The following ADAMTS17 variants were observed in gnomAD, a reference collection of about 807,000 sequenced individuals.
ADAMTS17 encodes the protein A disintegrin and metalloproteinase with thrombospondin motifs 17.
In ADAMTS17, 113 loss-of-function variants were observed where a neutral mutation model predicts 141.5. That is an observed-to-expected ratio of 0.80 (90% confidence interval 0.69 to 0.93). The LOEUF is 0.93. Among genes scored for constraint, ADAMTS17 ranks in the 40% least tolerant of loss-of-function variants. The pLI is 0.00. For missense variants in ADAMTS17, 1,659 were observed against 1,517.9 expected (o/e 1.09, Z -1.54); for synonymous variants, 768 against 630.6 (o/e 1.22, Z -3.27).
intron 7 of ADAMTS17, among the ~76,000 whole-genome samples, chr15:100,210,501 G>C (rs374182440): frequency 1.3e-5 from 2 of 152,168 alleles, no homozygotes; most frequent in African/African-American, 4.8e-5. Context: ...CAGCAAATGA[G>C]GGGTGGAGCT....
chr15:100,034,708 C>T (rs2030533718), intron 18 of ADAMTS17, among the ~76,000 whole-genome samples: 1 of 152,198 alleles, frequency 6.6e-6, no homozygotes, highest in Non-Finnish European at 1.5e-5. Flanking sequence ...CCAAACAGAA[C>T]TGGAGAAAGG....
chr15:100,008,086 A>G (rs1002045391), intron 18 of ADAMTS17, among the ~76,000 whole-genome samples: 3 of 129,618 alleles, frequency 2.3e-5, no homozygotes, highest in African/African-American at 8.6e-5. Context: ...AAGAGGCCTC[A>G]GGGGGAAGCA....
intron 15 of ADAMTS17, chr15:100,063,786 A>T (rs1214344712): frequency 1.6e-6 from 2 of 1,280,722 alleles, no homozygotes; most frequent in South Asian, 2.5e-5. Context: ...CACAGAAGTA[A>T]ACCACACCTC....
At chr15:100,240,237 C>T (rs1380240998) in intron 7 of ADAMTS17, among the ~76,000 whole-genome samples, 7 of 152,198 alleles carry the variant, frequency 4.6e-5, no homozygotes, top group Non-Finnish European at 1.0e-4. Context: ...ACCAGAGCTG[C>T]AGGCACCTTT....
At chr15:100,053,872 C>T (rs1298533027) in intron 16 of ADAMTS17, 25 bp downstream of exon 16, 1 of 1,614,046 alleles carries the variant, frequency 6.2e-7, no homozygotes, top group East Asian at 2.2e-5. Context: ...CCCCCTAAGA[C>T]AAGTGTGGAA....
At chr15:100,280,454 G>A (rs1240797408) in intron 4 of ADAMTS17, among the ~76,000 whole-genome samples, 1 of 151,928 alleles carries the variant, frequency 6.6e-6, no homozygotes, top group Non-Finnish European at 1.5e-5. Context: ...AATCCATCCT[G>A]CATGCAGCTG....
At chr15:100,126,892 G>C (rs1011963670) in intron 12 of ADAMTS17, among the ~76,000 whole-genome samples, 13 of 152,340 alleles carry the variant, frequency 8.5e-5, no homozygotes, top group African/African-American at 3.1e-4. Context: ...GTCAAAACAA[G>C]TGAGCAAATA....
intron 3 of ADAMTS17, among the ~76,000 whole-genome samples, chr15:100,295,036 CAA>C (rs1383384313): frequency 6.6e-6 from 1 of 152,112 alleles, no homozygotes; most frequent in Admixed American, 6.5e-5. Context: ...CTCAGGACAC[CAA>C]AGTCACCACA....
At position 99,993,019 on chromosome 15, in the gene ADAMTS17, G is replaced by A. The variant is rs564430676; in HGVS notation, c.2949+29C>T. 59 of 1,613,768 alleles carry A rather than the reference G, an allele frequency of 3.7e-5. No homozygotes were observed. The highest frequency in any genetic ancestry group is 6.6e-5 in the South Asian group (6 of 91,066). On this transcript the variant is annotated intron_variant, in intron 20 of 21. Transcript: ENST00000268070. This position sits in a 1 kb window ranked among gnomAD's most constrained non-coding sequence, Gnocchi z 4.3. Reference sequence around the variant, plus strand: ...CCTCGAGCCCCCTGCACTGCGGCACGGAGAGAAATGCCAGCAGGCTGCTCT... The same window carrying A: ...CCTCGAGCCCCCTGCACTGCGGCACAGAGAGAAATGCCAGCAGGCTGCTCT...
intron 3 of ADAMTS17, among the ~76,000 whole-genome samples, chr15:100,316,422 T>C (rs1380825508): frequency 6.6e-6 from 1 of 152,238 alleles, no homozygotes; most frequent in East Asian, 1.9e-4. Flanking sequence ...GGGTCACGTC[T>C]GGGGAGCCTT....
chr15:100,238,434 G>A (rs1294634856), intron 7 of ADAMTS17, among the ~76,000 whole-genome samples: 1 of 152,180 alleles, frequency 6.6e-6, no homozygotes, highest in Non-Finnish European at 1.5e-5. Flanking sequence ...GCTGGAGCCG[G>A]GCCTGGCACA....
chr15:100,030,815 C>T (rs1336796737), intron 18 of ADAMTS17, among the ~76,000 whole-genome samples: 1 of 152,120 alleles, frequency 6.6e-6, no homozygotes, highest in Non-Finnish European at 1.5e-5. Context: ...CTGGAAAATA[C>T]CAGCATGGGT....
At chr15:100,117,619 C>T (rs904572588) in intron 12 of ADAMTS17, among the ~76,000 whole-genome samples, 1 of 152,178 alleles carries the variant, frequency 6.6e-6, no homozygotes, top group African/African-American at 2.4e-5. Context: ...ATGCTCTGTG[C>T]TGAGGCTGGG....
At chr15:100,237,470 T>C (rs1005940420) in intron 7 of ADAMTS17, among the ~76,000 whole-genome samples, 1 of 152,044 alleles carries the variant, frequency 6.6e-6, no homozygotes, top group Admixed American at 6.6e-5. Context: ...TGGCTGGGCA[T>C]GATGTCCTGG....
intron 4 of ADAMTS17, among the ~76,000 whole-genome samples, chr15:100,266,578 C>T (rs1281639545): frequency 6.6e-6 from 1 of 152,226 alleles, no homozygotes; most frequent in Admixed American, 6.5e-5. Flanking sequence ...CTGGCCTCCC[C>T]GCCTGCAAGG....
intron 18 of ADAMTS17, among the ~76,000 whole-genome samples, chr15:100,043,209 C>T (rs1187768071): frequency 6.6e-6 from 1 of 152,188 alleles, no homozygotes; most frequent in Non-Finnish European, 1.5e-5. Context: ...GGGAGCCAGG[C>T]ACTTGCTGTC....
At chr15:100,120,039 T>C (rs2037373232) in intron 12 of ADAMTS17, among the ~76,000 whole-genome samples, 1 of 152,204 alleles carries the variant, frequency 6.6e-6, no homozygotes, top group Non-Finnish European at 1.5e-5. Flanking sequence ...CAGAGAGCAT[T>C]GCACAGGAGG....
chr15:100,168,796 G>T (rs2040048765), intron 8 of ADAMTS17: 1 of 152,228 alleles, frequency 6.6e-6, no homozygotes, highest in Admixed American at 6.5e-5. Context: ...GCGGGTTGGG[G>T]GATGTGATTC....
At chr15:100,258,345 A>AAGAG (rs1198299920) in intron 6 of ADAMTS17, among the ~76,000 whole-genome samples, 4 of 152,198 alleles carry the variant, frequency 2.6e-5, no homozygotes, top group Admixed American at 6.5e-5. Context: ...TGGTGCACAG[A>AAGAG]AGAGTTCAAA....
Sources: allele counts gnomAD v4.1 joint callset (sites outside exome capture counted in the v4.1 genomes callset), GRCh38; gene constraint gnomAD v4.1.1; non-coding constraint Gnocchi (gnomAD v3.1); transcripts MANE v1.5; gene names NCBI Gene and HGNC (gene_info 2026-07-23, HGNC 2026-07-21).